The following PTPRQ variants were observed in gnomAD, a reference collection of about 807,000 sequenced individuals.
PTPRQ encodes the protein protein tyrosine phosphatase receptor type Q, also known as phosphatidylinositol phosphatase PTPRQ.
PTPRQ carries 199 observed loss-of-function variants against 246.0 expected under a neutral mutation model. That is an observed-to-expected ratio of 0.81 (90% CI 0.72 to 0.91). The LOEUF is 0.91. Among genes scored for constraint, PTPRQ ranks in the 40% least tolerant of loss-of-function variants. The pLI, the probability that PTPRQ is intolerant of heterozygous loss-of-function variation, is 0.00. For missense variants in PTPRQ, 2,624 were observed against 2,528.4 expected (o/e 1.04, Z -0.81); for synonymous variants, 869 against 853.2 (o/e 1.02, Z -0.32).
chr12:80,666,013 A>G (rs902330879), intron 39 of PTPRQ, among the ~76,000 whole-genome samples: 2 of 152,070 alleles, frequency 1.3e-5, no homozygotes, highest in Non-Finnish European at 2.9e-5. Context: ...AGTTTTCCTC[A>G]GAAAACTAAA....
In PTPRQ at chr12:80,539,937, T is replaced by G. The variant is rs1393566869; in HGVS notation, c.3147T>G (p.Asp1049Glu). ...GTGACATCATTGAAGTATACACAGATCAAGACAGTATGTAAACAAAAAACA... is the reference window on the plus strand; with the variant it reads ...GTGACATCATTGAAGTATACACAGAGCAAGACAGTATGTAAACAAAAAACA... ...KSSDIIEVYT[D>E]QDIPEGFVGN... is the part of the protein sequence containing the mutation. Residue 1049 changes from aspartate (D) to glutamate (E), a missense_variant, in exon 20 of 45, where the codon GAT (aspartate) becomes GAG (glutamate). Asp to Glu is a conservative substitution (Grantham distance 45). Transcript: ENST00000644991. The G allele has an allele frequency of 2.4e-5, 37 of 1,517,122 alleles. No homozygotes were observed. Among genetic ancestry groups the G allele is most frequent in the Admixed American group, 4.4e-5 (2 of 45,234 alleles). The allele number at this position is 1,517,122 out of a possible 1,614,324, so 94.0% of individuals were successfully genotyped here.
chr12:80,514,014 C>G (rs1895203174), intron 17 of PTPRQ, among the ~76,000 whole-genome samples: 1 of 152,114 alleles, frequency 6.6e-6, no homozygotes, highest in Non-Finnish European at 1.5e-5. Context: ...TCATGTTTAT[C>G]TCCATCCTGA....
At chr12:80,456,284 C>G (rs1892979702) in intron 3 of PTPRQ, among the ~76,000 whole-genome samples, 1 of 151,902 alleles carries the variant, frequency 6.6e-6, no homozygotes, top group African/African-American at 2.4e-5. Flanking sequence ...AACTGGAAAG[C>G]AAATACTAAT....
intron 3 of PTPRQ, among the ~76,000 whole-genome samples, chr12:80,448,997 T>G (rs536225497): frequency 6.6e-6 from 1 of 151,702 alleles, no homozygotes; most frequent in Non-Finnish European, 1.5e-5. Context: ...ACCAACAGTG[T>G]AAAAGTGTTC....
intron 16 of PTPRQ, among the ~76,000 whole-genome samples, chr12:80,509,989 A>G (rs1895077155): frequency 6.6e-6 from 1 of 151,838 alleles, no homozygotes; most frequent in African/African-American, 2.4e-5. Context: ...ATATTTATTC[A>G]CCCTCAATAA....
At chr12:80,678,196 TCA>T (rs111868868) in intron 43 of PTPRQ, among the ~76,000 whole-genome samples, 31,183 of 152,050 alleles carry the variant, frequency 0.21, 5,176 homozygotes, top group African/African-American at 0.45. Flanking sequence ...ATATGCTGAC[TCA>T]CAGATTTCAA....
intron 28 of PTPRQ, among the ~76,000 whole-genome samples, chr12:80,611,338 T>C (rs529684164): frequency 6.6e-6 from 1 of 150,576 alleles, no homozygotes; most frequent in East Asian, 2.0e-4. Context: ...TATGTTGCTA[T>C]AGTTTATTTG....
At chr12:80,520,333 T>C (rs944463779) in intron 17 of PTPRQ, among the ~76,000 whole-genome samples, 1 of 152,152 alleles carries the variant, frequency 6.6e-6, no homozygotes, top group African/African-American at 2.4e-5. Context: ...TTGTATTTTA[T>C]GTCTTTAATC....
intron 25 of PTPRQ, among the ~76,000 whole-genome samples, chr12:80,587,026 A>G (rs1592688324): frequency 1.3e-5 from 2 of 152,172 alleles, no homozygotes; most frequent in East Asian, 3.9e-4. Context: ...GTGGATACAA[A>G]AGGTGACTAT....
chr12:80,541,900 A>G (rs747189804), intron 21 of PTPRQ, 55 bp downstream of exon 21: 34 of 1,477,248 alleles, frequency 2.3e-5, no homozygotes, highest in Non-Finnish European at 2.8e-5. Flanking sequence ...TTTCATTTAC[A>G]TTGCTTTCTG....
chr12:80,504,936 T>C (rs1894908176), intron 14 of PTPRQ, among the ~76,000 whole-genome samples: 1 of 151,910 alleles, frequency 6.6e-6, no homozygotes, highest in African/African-American at 2.4e-5. Context: ...TGAGAATGAA[T>C]GCATCACATT....
chr12:80,491,753 G>A (rs11829873), intron 9 of PTPRQ, among the ~76,000 whole-genome samples: 2,857 of 151,904 alleles, frequency 0.019, 89 homozygotes, highest in African/African-American at 0.066. Flanking sequence ...TTGCTTTACT[G>A]AACTTTTTCC....
chr12:80,452,566 G>T (rs1208586375), intron 3 of PTPRQ, among the ~76,000 whole-genome samples: 1 of 152,170 alleles, frequency 6.6e-6, no homozygotes, highest in Non-Finnish European at 1.5e-5. Flanking sequence ...GCCTGGTGGT[G>T]ACAAAATCTC....
At chr12:80,488,339 C>A (rs1894345447) in intron 9 of PTPRQ, among the ~76,000 whole-genome samples, 1 of 151,912 alleles carries the variant, frequency 6.6e-6, no homozygotes, top group Admixed American at 6.6e-5. Flanking sequence ...ACTCCCCCAG[C>A]CTACTATTTT....
chr12:80,501,176 G>A (rs1370259566), intron 14 of PTPRQ, among the ~76,000 whole-genome samples: 1 of 151,902 alleles, frequency 6.6e-6, no homozygotes, highest in Non-Finnish European at 1.5e-5. Context: ...GAGGCGAGAG[G>A]CAGAGGTGGA....
intron 25 of PTPRQ, among the ~76,000 whole-genome samples, chr12:80,564,614 A>G (rs1391360831): frequency 1.3e-5 from 2 of 152,248 alleles, no homozygotes; most frequent in African/African-American, 4.8e-5. Flanking sequence ...TTGTGCTATT[A>G]AAGTTTAGAA....
chr12:80,661,058 A>G (rs7969768), intron 39 of PTPRQ, among the ~76,000 whole-genome samples: 70,321 of 151,398 alleles, frequency 0.46, 17,634 homozygotes, highest in African/African-American at 0.67. Flanking sequence ...CAATCCTTCA[A>G]TATGAATTGA....
intron 37 of PTPRQ, among the ~76,000 whole-genome samples, chr12:80,652,069 A>T (rs539583066): frequency 1.8e-4 from 28 of 152,156 alleles, no homozygotes; most frequent in Non-Finnish European, 3.8e-4. Context: ...AATTTCACAC[A>T]TGTAAATTTT....
At chr12:80,557,766 C>A (rs976310909) in intron 25 of PTPRQ, among the ~76,000 whole-genome samples, 1 of 152,006 alleles carries the variant, frequency 6.6e-6, no homozygotes, top group Non-Finnish European at 1.5e-5. Flanking sequence ...TGACATCTTG[C>A]AAAACTGTAC....
Sources: gnomAD v4.1 joint callset for allele counts (sites outside exome capture counted in the v4.1 genomes callset) on GRCh38, gnomAD v4.1.1 for gene constraint, MANE v1.5 for transcripts, NCBI Gene and HGNC (gene_info 2026-07-23, HGNC 2026-07-21) for gene names.